IFT43: variants seen among roughly 807,000 people sequenced by gnomAD.
The protein encoded by IFT43 is intraflagellar transport 43.
IFT43 carries 33 observed loss-of-function variants against 32.3 expected under a neutral mutation model. The observed-to-expected ratio is 1.02, with a 90% CI of 0.77 to 1.37. The LOEUF (loss-of-function observed/expected upper bound fraction) is 1.37. IFT43 is among the 40% of genes most tolerant of loss of function. IFT43 has a pLI of 0.00. For missense variants in IFT43, 274 were observed against 265.9 expected (o/e 1.03, Z -0.21); for synonymous variants, 93 against 98.2 (o/e 0.95, Z 0.31).
intron 1 of IFT43, chr14:75,986,164 A>G (rs1346293694): frequency 3.0e-5 from 40 of 1,343,556 alleles, no homozygotes; most frequent in Non-Finnish European, 3.6e-5. Context: ...GATCGATCAC[A>G]GGGTGATAGG....
chr14:76,061,749 C>G (rs1486804048), intron 5 of IFT43, among the ~76,000 whole-genome samples: 8 of 152,088 alleles, frequency 5.3e-5, no homozygotes, highest in Non-Finnish European at 1.2e-4. Context: ...CTGAGTATCC[C>G]TTATCCAAAA....
intron 3 of IFT43, among the ~76,000 whole-genome samples, chr14:76,053,271 T>C (rs867447349): frequency 6.6e-6 from 1 of 151,956 alleles, no homozygotes; most frequent in African/African-American, 2.4e-5. Context: ...TTAGGGCAGG[T>C]TTGTGGGGGA....
intron 7 of IFT43, 142 bp downstream of exon 7, chr14:76,082,834 C>A: frequency 1.3e-6 from 1 of 751,002 alleles, no homozygotes; most frequent in Non-Finnish European, 2.4e-6. Context: ...ACCTCTGCTG[C>A]AGGTTTTATC....
intron 5 of IFT43, among the ~76,000 whole-genome samples, chr14:76,061,904 G>T (rs901684687): frequency 2.6e-5 from 4 of 152,080 alleles, no homozygotes; most frequent in African/African-American, 9.7e-5. Context: ...CATTATGTCA[G>T]TGCTCAAAAA....
Position 75,988,986 on chromosome 14 carries a change from T to TA in IFT43, c.147+18dup, listed in dbSNP as rs747593685. On this transcript the variant is annotated intron_variant, in intron 2 of 8. Coordinates refer to ENST00000314067, the MANE Select transcript of IFT43 (RefSeq NM_001102564.3). ...TGACTCTGACTGGAGAGGTGGGTGC[T>TA]AAAAAAAAAGAAAATCTGAAGAAAT... 281 of 1,597,212 alleles carry TA rather than the reference T, an allele frequency of 1.8e-4. No individual in the cohort carries two copies. The highest frequency in any genetic ancestry group is 9.9e-4 in the South Asian group (90 of 90,658).
At chr14:76,059,485 G>A (rs1594853879) in intron 5 of IFT43, 112 bp downstream of exon 5, 1 of 998,734 alleles carries the variant, frequency 1.0e-6, no homozygotes, top group East Asian at 2.4e-5. Flanking sequence ...ATTTGCAGTG[G>A]TCTTCTGACG....
At chr14:75,986,239 A>C (rs2139853410) in intron 1 of IFT43, 1 of 1,293,318 alleles carries the variant, frequency 7.7e-7, no homozygotes, top group East Asian at 5.4e-5. Flanking sequence ...ACCTCGTCGC[A>C]GAAGTTCCTG....
chr14:76,061,148 C>T (rs187367440), intron 5 of IFT43, among the ~76,000 whole-genome samples: 3 of 152,184 alleles, frequency 2.0e-5, no homozygotes, highest in Admixed American at 6.6e-5. Context: ...GTGATCCACC[C>T]GCTGTAATAG....
At chr14:76,082,914 C>T (rs1399442316) in intron 7 of IFT43, among the ~76,000 whole-genome samples, 1 of 152,196 alleles carries the variant, frequency 6.6e-6, no homozygotes, top group Non-Finnish European at 1.5e-5. Context: ...TCCCACCTGC[C>T]TCCATGGCTG....
At chr14:76,010,336 G>A (rs961425014) in intron 2 of IFT43, among the ~76,000 whole-genome samples, 1 of 152,036 alleles carries the variant, frequency 6.6e-6, no homozygotes. Context: ...TTTTTCACGA[G>A]CACATGCATC....
intron 3 of IFT43, among the ~76,000 whole-genome samples, chr14:76,040,081 T>C (rs547981212): frequency 2.1e-4 from 32 of 152,268 alleles, no homozygotes; most frequent in African/African-American, 7.5e-4. Context: ...GCCTCTTGAG[T>C]AGCTGGGACT....
At chr14:76,007,301 G>A (rs2035997527) in intron 2 of IFT43, among the ~76,000 whole-genome samples, 1 of 152,162 alleles carries the variant, frequency 6.6e-6, no homozygotes, top group South Asian at 2.1e-4. Flanking sequence ...TGTGAAACCT[G>A]CAGTGTCCCT....
chr14:76,010,303 A>G (rs897887353), intron 2 of IFT43, among the ~76,000 whole-genome samples: 12 of 152,314 alleles, frequency 7.9e-5, no homozygotes, highest in Middle Eastern at 3.4e-3. Context: ...ATTACCAACC[A>G]TTAGGTGGAG....
chr14:76,009,890 G>C (rs2139921128), intron 2 of IFT43, among the ~76,000 whole-genome samples: 1 of 152,166 alleles, frequency 6.6e-6, no homozygotes, highest in East Asian at 1.9e-4. Flanking sequence ...CGCCTCCTGG[G>C]TTCCAGCGAT....
intron 3 of IFT43, among the ~76,000 whole-genome samples, chr14:76,049,934 C>A (rs2036882483): frequency 6.6e-6 from 1 of 152,160 alleles, no homozygotes; most frequent in Non-Finnish European, 1.5e-5. Flanking sequence ...ACCAGTAATA[C>A]CAACTTATTT....
At chr14:76,077,458 A>C (rs145719166) in intron 5 of IFT43, among the ~76,000 whole-genome samples, 1 of 152,220 alleles carries the variant, frequency 6.6e-6, no homozygotes, top group East Asian at 1.9e-4. Context: ...ATGCAGTTCT[A>C]TTCAGTTGTT....
chr14:76,077,013 A>T (rs17783378), intron 5 of IFT43, among the ~76,000 whole-genome samples: 1 of 151,630 alleles, frequency 6.6e-6, no homozygotes, highest in Non-Finnish European at 1.5e-5. Flanking sequence ...CCATTTGGCA[A>T]TCTCTCTTTT....
At chr14:76,001,828 G>A (rs1473514804) in intron 2 of IFT43, among the ~76,000 whole-genome samples, 1 of 152,188 alleles carries the variant, frequency 6.6e-6, no homozygotes, top group Non-Finnish European at 1.5e-5. Flanking sequence ...AAGGGCAAGA[G>A]GGCATATGAG....
At chr14:76,045,872 A>T (rs1410837817) in intron 3 of IFT43, among the ~76,000 whole-genome samples, 2 of 152,184 alleles carry the variant, frequency 1.3e-5, no homozygotes, top group Non-Finnish European at 2.9e-5. Context: ...GCTCATTGTC[A>T]CCCCAAACAA....
Sources: allele counts gnomAD v4.1 joint callset (sites outside exome capture counted in the v4.1 genomes callset), GRCh38; gene constraint gnomAD v4.1.1; transcripts MANE v1.5; gene names NCBI Gene and HGNC (gene_info 2026-07-23, HGNC 2026-07-21).